Variants in HSD17B4 observed in about 807,000 individuals in gnomAD.
The protein encoded by HSD17B4 is hydroxysteroid 17-beta dehydrogenase 4.
HSD17B4 carries 70 observed loss-of-function variants against 101.0 expected under a neutral mutation model. The ratio of observed to expected loss-of-function variants is 0.69; its 90% CI spans 0.57 to 0.85. The LOEUF (loss-of-function observed/expected upper bound fraction) is 0.85, where lower values mean the gene tolerates loss of function less well. HSD17B4 is among the 40% of genes least tolerant of loss of function. HSD17B4 has a pLI of 0.00. For missense variants in HSD17B4, 984 were observed against 892.4 expected (o/e 1.10, Z -1.31); for synonymous variants, 347 against 297.1 (o/e 1.17, Z -1.73).
chr5:119,514,395 G>A (rs1226602619), intron 16 of HSD17B4, among the ~76,000 whole-genome samples: 2 of 152,146 alleles, frequency 1.3e-5, no homozygotes, highest in Non-Finnish European at 2.9e-5. Flanking sequence ...TGATTGAGAA[G>A]TAGATATTAG....
chr5:119,532,070 A>C (rs151219710), intron 22 of HSD17B4, among the ~76,000 whole-genome samples: 1 of 152,178 alleles, frequency 6.6e-6, no homozygotes, highest in African/African-American at 2.4e-5. Context: ...TAAAGAAAAA[A>C]TATTCTGTCA....
At chr5:119,454,724 C>T (rs186699755) in intron 1 of HSD17B4, among the ~76,000 whole-genome samples, 343 of 152,176 alleles carry the variant, frequency 2.3e-3, no homozygotes, top group African/African-American at 7.9e-3. Flanking sequence ...CGGGTTCAAA[C>T]AATTCTCCTA....
intron 2 of HSD17B4, among the ~76,000 whole-genome samples, chr5:119,457,711 A>G (rs765695840): frequency 9.9e-5 from 15 of 152,066 alleles, no homozygotes; most frequent in Non-Finnish European, 1.9e-4. Flanking sequence ...TTTACCTTAT[A>G]TGTTTTTATT....
intron 2 of HSD17B4, among the ~76,000 whole-genome samples, chr5:119,467,288 A>C (rs917144749): frequency 6.6e-6 from 1 of 152,224 alleles, no homozygotes; most frequent in African/African-American, 2.4e-5. Flanking sequence ...TTTCTAGAGC[A>C]GTGGTCTTTT....
intron 2 of HSD17B4, among the ~76,000 whole-genome samples, chr5:119,464,200 C>T (rs193221333): frequency 6.6e-6 from 1 of 151,896 alleles, no homozygotes; most frequent in African/African-American, 2.4e-5. Context: ...GATCTAGTCC[C>T]ATTTGTTTAT....
chr5:119,483,619 A>G (rs1293934577), intron 8 of HSD17B4, among the ~76,000 whole-genome samples: 2 of 152,140 alleles, frequency 1.3e-5, no homozygotes, highest in Non-Finnish European at 2.9e-5. Context: ...TCTTTGTGTA[A>G]AAGGAAAGAC....
chr5:119,479,032 A>C lies in HSD17B4; in HGVS notation c.622+11A>C. 1 of 1,606,500 alleles carries C rather than the reference A, an allele frequency of 6.2e-7. No individual in the cohort carries two copies. Among genetic ancestry groups the C allele is most frequent in the South Asian group, 1.1e-5 (1 of 90,930 alleles). Reference sequence around the variant, plus strand: ...CAGTTATGCCTGAAGGTAAGTAAGCAAGCTTATATTTTTCAGTGCTGTTAC... The same window carrying C: ...CAGTTATGCCTGAAGGTAAGTAAGCCAGCTTATATTTTTCAGTGCTGTTAC... On this transcript the variant is annotated intron_variant, in intron 8 of 23. Coordinates refer to ENST00000510025, the MANE Select transcript of HSD17B4 (RefSeq NM_000414.4).
rs113714655 is a variant in HSD17B4 at position 119,455,915 on chromosome 5, G to A, written c.59-400G>A. Among the ~76,000 whole-genome samples, 128 of 152,238 alleles carry A rather than the reference G, an allele frequency of 8.4e-4. 1 individual carries two copies. The highest frequency in any genetic ancestry group is 2.8e-3 in the African/African-American group (116 of 41,540). The stretch of plus-strand genomic sequence containing the variant: ...TAGGGAGCTGAATGAAGAAGTCGCT[G>A]CTATAGTCAGTTTCTGAATACCTAG... On this transcript the variant is annotated intron_variant, in intron 1 of 23. Transcript: ENST00000510025.
rs985626462 is a variant in HSD17B4 at position 119,456,488 on chromosome 5, CT to C, written c.112+124del. 8.1e-5 allele frequency: 63 copies of C among 778,046 alleles called. 1 individual carries two copies. The highest frequency in any genetic ancestry group is 4.2e-4 in the South Asian group (27 of 64,964). 48.2% of individuals were successfully genotyped at this position (778,046 alleles called of 1,614,324 possible). A position where few individuals can be genotyped will look rare whatever the true frequency, so the allele number is the denominator to read the frequency against. On this transcript the variant is annotated intron_variant, in intron 2 of 23. Coordinates refer to ENST00000510025, the MANE Select transcript of HSD17B4 (RefSeq NM_000414.4). ...GGTTGAATTTTATTATTAATTTTTA[CT>C]TTTGCCAGAAGGTTTTTACCCCGAC... is the stretch of plus-strand genomic sequence containing the variant.
chr5:119,474,167 G>A, intron 3 of HSD17B4, 152 bp downstream of exon 3: 2 of 675,750 alleles, frequency 3.0e-6, no homozygotes, highest in Non-Finnish European at 5.3e-6. Flanking sequence ...TTATATATGT[G>A]AGAATTGTTA....
chr5:119,527,292 A>C (rs1178324237), intron 20 of HSD17B4, 73 bp downstream of exon 20: 1 of 830,340 alleles, frequency 1.2e-6, no homozygotes, highest in African/African-American at 1.7e-5. Flanking sequence ...TTTTTTGGTT[A>C]GTACTATGGA....
At chr5:119,514,088 A>G (rs1264764712) in intron 16 of HSD17B4, among the ~76,000 whole-genome samples, 29 of 152,196 alleles carry the variant, frequency 1.9e-4, no homozygotes, top group Admixed American at 1.9e-3. Flanking sequence ...TTGTAAATAA[A>G]ACCTGCAAAA....
chr5:119,513,908 T>C (rs1752388466), intron 16 of HSD17B4, among the ~76,000 whole-genome samples: 2 of 152,186 alleles, frequency 1.3e-5, no homozygotes. Flanking sequence ...TAAAAGGTAC[T>C]CAGAATTTTT....
chr5:119,499,369 T>C lies in HSD17B4; in HGVS notation c.1025T>C (p.Leu342Pro). Residue 342 changes from leucine to proline, a missense_variant, in exon 13 of 24, where the codon CTG (leucine) becomes CCG (proline). Transcript: ENST00000510025. ...CCATTTTCTTATGCTTATACGGAAC[T>C]GGAAGCTATTATGTATGCCCTTGGA... ...LPPFSYAYTELEAIMYALGVG... is the reference protein window; with the variant it reads ...LPPFSYAYTEPEAIMYALGVG... 6.2e-7 allele frequency: 1 copy of C among 1,613,986 alleles called. No homozygotes were observed. The highest frequency in any genetic ancestry group is 8.5e-7 in the Non-Finnish European group (1 of 1,179,908).
chr5:119,460,088 G>T (rs866917271), intron 2 of HSD17B4, among the ~76,000 whole-genome samples: 1 of 151,448 alleles, frequency 6.6e-6, no homozygotes, highest in Admixed American at 6.6e-5. Context: ...TGTTAGCCAG[G>T]ATGGTCTCGA....
intron 13 of HSD17B4, 54 bp downstream of exon 13, chr5:119,499,607 C>T: frequency 2.1e-6 from 2 of 937,104 alleles, no homozygotes; most frequent in Non-Finnish European, 3.5e-6. Flanking sequence ...AAATATTATT[C>T]ATTAATGTCA....
chr5:119,538,366 C>T lies in HSD17B4; in HGVS notation c.2121+1816C>T, dbSNP rs1364855614. 3.9e-5 allele frequency among the ~76,000 whole-genome samples: 6 copies of T among 152,290 alleles called. No individual in the cohort carries two copies. The East Asian group carries it at 1.2e-3, about 29-fold the overall frequency. On this transcript the variant is annotated intron_variant, in intron 23 of 23. Transcript: ENST00000510025. The stretch of plus-strand genomic sequence containing the variant: ...TGATCCTAGCCTCTGTCATCTCTCA[C>T]CTGTCTTACTTCTTCCAGTCTTGTC...
intron 10 of HSD17B4, chr5:119,492,880 A>G (rs557084824): frequency 6.6e-6 from 1 of 152,278 alleles, no homozygotes; most frequent in African/African-American, 2.4e-5. Flanking sequence ...TTAGTTGGCT[A>G]TGGGTATCAA....
chr5:119,474,872 C>T (rs920448467), intron 4 of HSD17B4, among the ~76,000 whole-genome samples: 1 of 151,990 alleles, frequency 6.6e-6, no homozygotes, highest in Non-Finnish European at 1.5e-5. Flanking sequence ...GATGATTTCT[C>T]TATAATAAAA....
Sources: allele counts gnomAD v4.1 joint callset (sites outside exome capture counted in the v4.1 genomes callset), GRCh38; gene constraint gnomAD v4.1.1; transcripts MANE v1.5; gene names NCBI Gene and HGNC (gene_info 2026-07-23, HGNC 2026-07-21).